Variants in PALLD observed in about 807,000 individuals in gnomAD.
PALLD encodes palladin, cytoskeletal associated protein.
A neutral mutation model predicts 123.5 loss-of-function variants in PALLD; 61 were observed. The observed-to-expected ratio is 0.49, with a 90% CI of 0.40 to 0.61. The LOEUF is 0.61. PALLD is among the 20% of genes least tolerant of loss of function. The probability of loss-of-function intolerance (pLI) is 0.00; values close to 1 mark genes in which losing one functional copy is unlikely to be tolerated. For missense variants in PALLD, 1,273 were observed against 1,377.0 expected, an observed-to-expected ratio of 0.92 and a Z score of 1.20; for synonymous variants, 465 against 496.4, an observed-to-expected ratio of 0.94 and a Z score of 0.84.
chr4:168,747,934 T>C (rs1398024596), intron 10 of PALLD, among the ~76,000 whole-genome samples: 2 of 152,330 alleles, frequency 1.3e-5, no homozygotes, highest in South Asian at 4.1e-4. Flanking sequence ...AACTCAAATA[T>C]TGGGAAAAGT....
intron 2 of PALLD, among the ~76,000 whole-genome samples, chr4:168,539,133 G>T (rs1375277195): frequency 6.6e-6 from 1 of 152,144 alleles, no homozygotes; most frequent in African/African-American, 2.4e-5. Context: ...ACCTTATTTT[G>T]TTTCATCCTT....
intron 10 of PALLD, among the ~76,000 whole-genome samples, chr4:168,841,207 C>T (rs2150925356): frequency 6.6e-6 from 1 of 152,308 alleles, no homozygotes; most frequent in Admixed American, 6.5e-5. Context: ...CCAAGGTGAG[C>T]TGTTGGACCT....
At chr4:168,681,533 G>T in intron 4 of PALLD, 135 bp downstream of exon 4, 1 of 512,082 alleles carries the variant, frequency 2.0e-6, no homozygotes. Flanking sequence ...ACTGAGGTTG[G>T]AACACAATTT....
chr4:168,759,971 TG>T (rs1218545101), intron 10 of PALLD, among the ~76,000 whole-genome samples: 26 of 151,280 alleles, frequency 1.7e-4, no homozygotes, highest in Non-Finnish European at 3.5e-4. Context: ...TGAGAATTGC[TG>T]GAACCCAGGG....
chr4:168,611,625 T>G (rs1773736185), intron 2 of PALLD, among the ~76,000 whole-genome samples: 1 of 152,236 alleles, frequency 6.6e-6, no homozygotes, highest in Non-Finnish European at 1.5e-5. Flanking sequence ...GACCAAATAG[T>G]AATGAAAAAT....
At chr4:168,584,649 C>T (rs1267533988) in intron 2 of PALLD, among the ~76,000 whole-genome samples, 1 of 152,124 alleles carries the variant, frequency 6.6e-6, no homozygotes, top group Non-Finnish European at 1.5e-5. Flanking sequence ...CTTACAATGT[C>T]TTCTATTTCA....
chr4:168,867,498 A>G (rs1010491597), intron 10 of PALLD, among the ~76,000 whole-genome samples: 4 of 152,336 alleles, frequency 2.6e-5, no homozygotes, highest in African/African-American at 9.6e-5. Flanking sequence ...TACTTTTTAT[A>G]TGCACATAGT....
chr4:168,879,668 A>T (rs748541416), intron 10 of PALLD, among the ~76,000 whole-genome samples: 2 of 152,250 alleles, frequency 1.3e-5, no homozygotes, highest in Non-Finnish European at 2.9e-5. Flanking sequence ...TTTGTTGGGC[A>T]CTTCCTAAAT....
intron 10 of PALLD, 200 bp downstream of exon 10, chr4:168,712,123 T>C: frequency 1.6e-6 from 1 of 617,136 alleles, no homozygotes; most frequent in Non-Finnish European, 2.9e-6. Context: ...TGGTGAAATC[T>C]GCCCTTTGCT....
intron 10 of PALLD, among the ~76,000 whole-genome samples, chr4:168,782,957 G>A (rs1736136586): frequency 6.6e-6 from 1 of 151,708 alleles, no homozygotes; most frequent in Non-Finnish European, 1.5e-5. Context: ...ACAAAAGCAA[G>A]CAGTGGGCCA....
chr4:168,544,935 G>A (rs564332365), intron 2 of PALLD, among the ~76,000 whole-genome samples: 3 of 152,190 alleles, frequency 2.0e-5, no homozygotes, highest in South Asian at 2.1e-4. Context: ...CACCATACAC[G>A]TGCCTATATA....
intron 8 of PALLD, among the ~76,000 whole-genome samples, chr4:168,703,892 G>A (rs1204438219): frequency 2.7e-5 from 4 of 150,858 alleles, no homozygotes; most frequent in East Asian, 2.0e-4. Context: ...TTCTTTTGCC[G>A]TGCAGAAGCT....
intron 10 of PALLD, among the ~76,000 whole-genome samples, chr4:168,803,178 G>T (rs1407122146): frequency 6.6e-6 from 1 of 152,144 alleles, no homozygotes; most frequent in Non-Finnish European, 1.5e-5. Context: ...AGTTCCACAG[G>T]CTGTACAGGA....
chr4:168,704,938 A>G (rs1318885679), intron 8 of PALLD, among the ~76,000 whole-genome samples: 2 of 152,146 alleles, frequency 1.3e-5, no homozygotes, highest in Admixed American at 6.5e-5. Context: ...ATACTGCATA[A>G]TGAACTAGAA....
At chr4:168,497,699 G>T (rs1425876875) in intron 1 of PALLD, among the ~76,000 whole-genome samples, 1 of 152,198 alleles carries the variant, frequency 6.6e-6, no homozygotes, top group African/African-American at 2.4e-5. Context: ...AATTAAATGA[G>T]TTGGGATAGT....
At chr4:168,881,562 T>TC (rs1235386510) in intron 10 of PALLD, among the ~76,000 whole-genome samples, 2 of 150,746 alleles carry the variant, frequency 1.3e-5, no homozygotes, top group Non-Finnish European at 3.0e-5. Context: ...TACATACAGT[T>TC]CCTCAAATGC....
chr4:168,891,189 G>T lies in PALLD; in HGVS notation c.2100+132G>T, dbSNP rs868191438. 12 of 928,786 alleles carry T rather than the reference G, an allele frequency of 1.3e-5. No homozygotes were observed. In the Middle Eastern group the frequency reaches 1.9e-3, roughly 149 times the overall value. 57.5% of individuals were successfully genotyped at this position (928,786 alleles called of 1,614,324 possible). Reference sequence around the variant, plus strand: ...TTATTATTATTATTTTTGAGACAGGGTCACACTTTGTCACCCATGCTGGAG... The same window carrying T: ...TTATTATTATTATTTTTGAGACAGGTTCACACTTTGTCACCCATGCTGGAG... On this transcript the variant is annotated intron_variant, in intron 11 of 21. Transcript: ENST00000505667.
intron 10 of PALLD, among the ~76,000 whole-genome samples, chr4:168,798,113 A>G (rs1035859530): frequency 6.6e-6 from 1 of 152,134 alleles, no homozygotes; most frequent in African/African-American, 2.4e-5. Context: ...AGGGTTTGCA[A>G]TGTAAGGAAA....
chr4:168,616,563 T>C (rs560649151), intron 2 of PALLD, among the ~76,000 whole-genome samples: 2 of 152,284 alleles, frequency 1.3e-5, no homozygotes, highest in South Asian at 2.1e-4. Context: ...GGTTTTCTCA[T>C]ACCTCGGCCT....
Sources: gnomAD v4.1 joint callset for allele counts (sites outside exome capture counted in the v4.1 genomes callset) on GRCh38, gnomAD v4.1.1 for gene constraint, MANE v1.5 for transcripts, NCBI Gene and HGNC (gene_info 2026-07-23, HGNC 2026-07-21) for gene names.